Variants in GRIN2B observed in about 807,000 individuals in gnomAD.
The protein encoded by GRIN2B is glutamate ionotropic receptor NMDA type subunit 2B, also known as glutamate receptor ionotropic, NMDA 2B.
Under a neutral mutation model 114.5 loss-of-function variants are expected in GRIN2B, and 5 were observed. The observed-to-expected ratio is 0.04, with a 90% CI of 0.02 to 0.09. The LOEUF (loss-of-function observed/expected upper bound fraction) is 0.09. Among genes scored for constraint, GRIN2B ranks in the 10% least tolerant of loss-of-function variants. The pLI, the probability that GRIN2B is intolerant of heterozygous loss-of-function variation, is 1.00. For synonymous variants in GRIN2B, 787 were observed against 745.1 expected, an observed-to-expected ratio of 1.06 and a Z score of -0.92; for missense variants, 1,108 against 1,943.5, an observed-to-expected ratio of 0.57 and a Z score of 8.08.
chr12:13,693,056 C>A (rs7358660), intron 4 of GRIN2B, among the ~76,000 whole-genome samples: 73,579 of 151,812 alleles, frequency 0.48, 18,360 homozygotes, highest in East Asian at 0.67. Flanking sequence ...GCGTGAGCCA[C>A]TGCACCCAGC....
intron 3 of GRIN2B, among the ~76,000 whole-genome samples, chr12:13,820,739 T>C (rs371901190): frequency 1.3e-5 from 2 of 152,170 alleles, no homozygotes; most frequent in Middle Eastern, 6.3e-3. Flanking sequence ...CCATTTTCTC[T>C]TTTAACTATC....
intron 10 of GRIN2B, among the ~76,000 whole-genome samples, chr12:13,608,059 A>G (rs1949309737): frequency 6.6e-6 from 1 of 152,154 alleles, no homozygotes; most frequent in African/African-American, 2.4e-5. Context: ...GGGGCAGCCC[A>G]TTCATCAGCA....
intron 2 of GRIN2B, among the ~76,000 whole-genome samples, chr12:13,894,386 T>C (rs1012969384): frequency 5.3e-5 from 8 of 152,110 alleles, no homozygotes; most frequent in Admixed American, 5.2e-4. Context: ...TATGACAGAA[T>C]GCTAAGTAGC....
intron 3 of GRIN2B, among the ~76,000 whole-genome samples, chr12:13,784,138 G>A (rs563165341): frequency 4.8e-4 from 71 of 148,444 alleles, no homozygotes; most frequent in Non-Finnish European, 5.9e-5. Flanking sequence ...GCAGGAGAAT[G>A]GCGTGAACCT....
At chr12:13,778,964 G>A (rs1042767568) in intron 3 of GRIN2B, among the ~76,000 whole-genome samples, 1 of 152,090 alleles carries the variant, frequency 6.6e-6, no homozygotes, top group African/African-American at 2.4e-5. Flanking sequence ...GGCTTTCTAG[G>A]TTACAGATAT....
chr12:13,974,471 T>A (rs1208102586), intron 2 of GRIN2B, among the ~76,000 whole-genome samples: 1 of 152,232 alleles, frequency 6.6e-6, no homozygotes, highest in Non-Finnish European at 1.5e-5. Flanking sequence ...ATTCCTGTGT[T>A]GTTCTTTTCC....
At chr12:13,978,018 G>A (rs1863057687) in intron 2 of GRIN2B, among the ~76,000 whole-genome samples, 1 of 152,078 alleles carries the variant, frequency 6.6e-6, no homozygotes, top group Non-Finnish European at 1.5e-5. Flanking sequence ...AGGTAGCTGA[G>A]ATCCTGTCAA....
chr12:13,710,987 G>C (rs1950409196), intron 4 of GRIN2B, among the ~76,000 whole-genome samples: 1 of 152,028 alleles, frequency 6.6e-6, no homozygotes, highest in African/African-American at 2.4e-5. Context: ...ATACTACAAG[G>C]CCACAGTAAC....
chr12:13,668,030 T>G (rs1313221947), intron 5 of GRIN2B, among the ~76,000 whole-genome samples: 2 of 152,170 alleles, frequency 1.3e-5, no homozygotes, highest in African/African-American at 2.4e-5. Flanking sequence ...AAAAAATTGT[T>G]TAGAGGACTC....
intron 4 of GRIN2B, among the ~76,000 whole-genome samples, chr12:13,751,488 T>A (rs1023119321): frequency 1.3e-5 from 2 of 152,074 alleles, no homozygotes; most frequent in African/African-American, 4.8e-5. Flanking sequence ...TCCAGAGGTA[T>A]GGGGAGACTA....
intron 2 of GRIN2B, among the ~76,000 whole-genome samples, chr12:13,944,977 T>C (rs1462262713): frequency 6.6e-6 from 1 of 152,208 alleles, no homozygotes; most frequent in Non-Finnish European, 1.5e-5. Flanking sequence ...TAAGTTAATT[T>C]GTATGATTCC....
chr12:13,620,904 A>T (rs1949504979), intron 5 of GRIN2B, among the ~76,000 whole-genome samples: 1 of 151,768 alleles, frequency 6.6e-6, no homozygotes, highest in African/African-American at 2.4e-5. Context: ...TGAAAAAAAA[A>T]TAAGAGGGAA....
At chr12:13,706,678 A>G (rs1950362436) in intron 4 of GRIN2B, among the ~76,000 whole-genome samples, 2 of 152,112 alleles carry the variant, frequency 1.3e-5, no homozygotes, top group South Asian at 4.2e-4. Context: ...CCAAGCTCAG[A>G]TGCCACCTGC....
intron 2 of GRIN2B, among the ~76,000 whole-genome samples, chr12:13,912,737 A>G (rs952382759): frequency 6.6e-6 from 1 of 152,196 alleles, no homozygotes; most frequent in African/African-American, 2.4e-5. Context: ...CCTCATCTGT[A>G]AAATGAGGAT....
chr12:13,668,060 C>T (rs1949993862), intron 5 of GRIN2B, among the ~76,000 whole-genome samples: 1 of 152,118 alleles, frequency 6.6e-6, no homozygotes, highest in Non-Finnish European at 1.5e-5. Context: ...CCACAGATAA[C>T]TGTCATGAAA....
chr12:13,725,318 G>C (rs1862961026), intron 4 of GRIN2B, among the ~76,000 whole-genome samples: 1 of 152,070 alleles, frequency 6.6e-6, no homozygotes, highest in African/African-American at 2.4e-5. Flanking sequence ...GAGGAGGGGT[G>C]GAGGAGGATG....
intron 2 of GRIN2B, among the ~76,000 whole-genome samples, chr12:13,959,616 A>T (rs1867655060): frequency 6.6e-6 from 1 of 151,936 alleles, no homozygotes; most frequent in Admixed American, 6.6e-5. Context: ...ATTGGCATGG[A>T]GTGGAAGTGG....
At chr12:13,866,552 G>T (rs958450939) in intron 2 of GRIN2B, among the ~76,000 whole-genome samples, 2 of 152,136 alleles carry the variant, frequency 1.3e-5, no homozygotes, top group African/African-American at 4.8e-5. Context: ...CAAATCTCCT[G>T]GCCCTCCTGT....
At chr12:13,901,275 A>G (rs1351157811) in intron 2 of GRIN2B, among the ~76,000 whole-genome samples, 1 of 152,078 alleles carries the variant, frequency 6.6e-6, no homozygotes, top group African/African-American at 2.4e-5. Context: ...CCACTTAGAC[A>G]TCTTCTTCTG....
Sources: gnomAD v4.1 joint callset for allele counts (sites outside exome capture counted in the v4.1 genomes callset) on GRCh38, gnomAD v4.1.1 for gene constraint, MANE v1.5 for transcripts, NCBI Gene and HGNC (gene_info 2026-07-23, HGNC 2026-07-21) for gene names.